TOR1AIP2: variants seen among roughly 807,000 people sequenced by gnomAD.
TOR1AIP2 encodes the protein torsin 1A interacting protein 2, also known as torsin-1A-interacting protein 2.
In TOR1AIP2, 20 loss-of-function variants were observed where a neutral mutation model predicts 32.6. The ratio of observed to expected loss-of-function variants is 0.61; its 90% confidence interval spans 0.43 to 0.89. The LOEUF is 0.89. Among genes scored for constraint, TOR1AIP2 ranks in the 40% least tolerant of loss-of-function variants. The pLI, the probability that TOR1AIP2 is intolerant of heterozygous loss-of-function variation, is 0.00. For synonymous variants in TOR1AIP2, 214 were observed against 210.8 expected (o/e 1.02, Z -0.13); for missense variants, 456 against 553.8 (o/e 0.82, Z 1.77).
In TOR1AIP2 at chr1:179,877,339, G is replaced by C. The variant is rs571572315; in HGVS notation, c.-666C>G. The C allele has an allele frequency of 1.3e-5, 2 of 152,636 alleles. No homozygotes were observed. Among genetic ancestry groups the C allele is most frequent in the African/African-American group, 4.8e-5 (2 of 41,520 alleles). The allele number at this position is 152,636 out of a possible 1,614,324, so 9.5% of individuals were successfully genotyped here. ...GAGAATCGCTTGAAGCCAGGAGTTC[G>C]AGACCAACCTGGGCAATACAGTGAG... is the stretch of plus-strand genomic sequence containing the variant. On this transcript the variant is annotated 5_prime_UTR_variant, in exon 2 of 7. Transcript: ENST00000609928.
intron 3 of TOR1AIP2, chr1:179,861,498 TATTAAA>T (rs997316781): frequency 1.8e-5 from 18 of 982,492 alleles, no homozygotes; most frequent in Middle Eastern, 5.2e-4. Context: ...ACCCTCTTAA[TATTAAA>T]ATTAATATTT....
chr1:179,864,379 T>C lies in TOR1AIP2; in HGVS notation c.-147+1057A>G, dbSNP rs1375000893. The C allele has an allele frequency of 9.1e-6, 9 of 991,840 alleles. No homozygotes were observed. The East Asian group carries it at 7.8e-4, about 86-fold the overall frequency. 61.4% of individuals were successfully genotyped at this position (991,840 alleles called of 1,614,324 possible). A position where few individuals can be genotyped will look rare whatever the true frequency, so the allele number is the denominator to read the frequency against. On this transcript the variant is annotated intron_variant, in intron 3 of 6. Coordinates refer to ENST00000609928, the MANE Select transcript of TOR1AIP2 (RefSeq NM_001199260.2). The stretch of plus-strand genomic sequence containing the variant: ...ACTGGACTAATCTAGGATCCAGCTA[T>C]AACGAGGCTGCTTTCCCACAAAAGT...
chr1:179,847,533 A>G lies in TOR1AIP2; in HGVS notation c.655+2T>C. On this transcript the variant is annotated splice_donor_variant, in intron 6 of 6. Coordinates refer to ENST00000609928, the MANE Select transcript of TOR1AIP2 (RefSeq NM_001199260.2). LOFTEE classifies it high-confidence loss of function. ...CTGCAGTAAAACCAGGTTTGTTCTCACCATAGCTCCAAAAACCCTTTTTAT... is the reference window on the plus strand; with the variant it reads ...CTGCAGTAAAACCAGGTTTGTTCTCGCCATAGCTCCAAAAACCCTTTTTAT... 6.2e-7 allele frequency: 1 copy of G among 1,606,984 alleles called. No individual in the cohort carries two copies. Among genetic ancestry groups the G allele is most frequent in the Non-Finnish European group, 8.5e-7 (1 of 1,173,532 alleles).
chr1:179,864,588 A>C, intron 3 of TOR1AIP2: 1 of 1,325,064 alleles, frequency 7.5e-7, no homozygotes, highest in East Asian at 2.7e-5. Flanking sequence ...GTCTAGATGA[A>C]CAGGCTGGCT....
At chr1:179,853,278 G>A (rs1696181708) in intron 3 of TOR1AIP2, among the ~76,000 whole-genome samples, 1 of 152,198 alleles carries the variant, frequency 6.6e-6, no homozygotes, top group South Asian at 2.1e-4. Context: ...AAACTGAGAT[G>A]GCTGCTTTGA....
chr1:179,851,238 G>A lies in TOR1AIP2; in HGVS notation c.160C>T (p.Gln54Ter), dbSNP rs1374743618. The A allele has an allele frequency of 6.2e-7, 1 of 1,612,946 alleles. No homozygotes were observed. The highest frequency in any genetic ancestry group is 1.3e-5 in the African/African-American group (1 of 74,946). The change falls in exon 5 of 7, where the codon CAA (glutamine) becomes TAA (stop). Residue 54 changes from glutamine (Q) to a stop codon, truncating the protein, a stop_gained. Coordinates refer to ENST00000609928, the MANE Select transcript of TOR1AIP2 (RefSeq NM_001199260.2). LOFTEE classifies it high-confidence loss of function. ...HSACGLSKDH[Q>*]EVETEGPESA... Reference sequence around the variant, plus strand: ...TCTGGACCTTCTGTCTCTACCTCTTGGTGGTCTTTGCTAAGACCACAGGCA... The same window carrying A: ...TCTGGACCTTCTGTCTCTACCTCTTAGTGGTCTTTGCTAAGACCACAGGCA...
In TOR1AIP2 at chr1:179,870,135, G is replaced by A. The variant is rs1227837914; in HGVS notation, c.-565-4281C>T. 4.6e-5 allele frequency among the ~76,000 whole-genome samples: 7 copies of A among 152,178 alleles called. No homozygotes were observed. In the East Asian group the frequency reaches 7.7e-4, roughly 17 times the overall value. On this transcript the variant is annotated intron_variant, in intron 2 of 6. Transcript: ENST00000609928. ...TTTACGGCTGGGCACGGTGGTTTACGCCTGTAATCCCAGCACTTTGGGAGG... is the reference window on the plus strand; with the variant it reads ...TTTACGGCTGGGCACGGTGGTTTACACCTGTAATCCCAGCACTTTGGGAGG...
At chr1:179,866,260 CAA>C (rs77686131) in intron 2 of TOR1AIP2, among the ~76,000 whole-genome samples, 13 of 118,992 alleles carry the variant, frequency 1.1e-4, no homozygotes, top group Admixed American at 2.6e-4. Context: ...TCAATCCATC[CAA>C]AAAAAAAAAA....
At position 179,842,403 on chromosome 1, in the gene TOR1AIP2, T is replaced by C. The variant is rs1695749778; in HGVS notation, c.*3668A>G. ...AATAGAAATATGAAACAAATTAGCA[T>C]TACTATTTTAGTGATATGAACACCT... is the stretch of plus-strand genomic sequence containing the variant. On this transcript the variant is annotated 3_prime_UTR_variant, in exon 7 of 7. Transcript: ENST00000609928. The C allele has an allele frequency of 6.6e-6, 1 of 152,192 alleles. No individual in the cohort carries two copies. Among genetic ancestry groups the C allele is most frequent in the African/African-American group, 2.4e-5 (1 of 41,446 alleles). The allele number at this position is 152,192 out of a possible 1,614,324, so 9.4% of individuals were successfully genotyped here.
intron 5 of TOR1AIP2, among the ~76,000 whole-genome samples, chr1:179,849,383 G>A (rs911637029): frequency 2.7e-5 from 4 of 149,452 alleles, no homozygotes; most frequent in African/African-American, 9.9e-5. Context: ...AGGACTATAG[G>A]TGCATGCAGC....
chr1:179,876,474 A>G (rs557986715), intron 2 of TOR1AIP2, among the ~76,000 whole-genome samples: 2 of 152,380 alleles, frequency 1.3e-5, no homozygotes, highest in East Asian at 3.9e-4. Flanking sequence ...CACGTTCAGC[A>G]TAATAAACAT....
chr1:179,865,266 G>A, intron 3 of TOR1AIP2, 170 bp downstream of exon 3: 1 of 1,455,860 alleles, frequency 6.9e-7, no homozygotes, highest in South Asian at 1.5e-5. Context: ...CCTATTACAG[G>A]TTTCGTTTAC....
intron 3 of TOR1AIP2, chr1:179,862,650 C>A (rs1257191032): frequency 9.1e-6 from 9 of 985,318 alleles, no homozygotes; most frequent in African/African-American, 1.7e-5. Flanking sequence ...GAGCCCTGGT[C>A]AGGCACGGTG....
intron 3 of TOR1AIP2, chr1:179,862,258 A>T (rs561427746): frequency 9.0e-5 from 88 of 978,864 alleles, no homozygotes; most frequent in Middle Eastern, 5.3e-4. Context: ...AATGTTTCTT[A>T]GTATATGTCC....
chr1:179,840,573 T>C lies in TOR1AIP2; in HGVS notation c.*5498A>G, dbSNP rs1227810360. On this transcript the variant is annotated 3_prime_UTR_variant, in exon 7 of 7. Coordinates refer to ENST00000609928, the MANE Select transcript of TOR1AIP2 (RefSeq NM_001199260.2). ...CTGAAGACTAAGGTATTTACCTTTT[T>C]GCAGATTAGGGGATACTGATTATGT... The C allele has an allele frequency of 6.6e-6, 1 of 152,248 alleles. No homozygotes were observed. Among genetic ancestry groups the C allele is most frequent in the Non-Finnish European group, 1.5e-5 (1 of 68,062 alleles). 9.4% of individuals were successfully genotyped at this position (152,248 alleles called of 1,614,324 possible).
At chr1:179,851,796 A>G (rs1450922886) in intron 4 of TOR1AIP2, among the ~76,000 whole-genome samples, 1 of 152,196 alleles carries the variant, frequency 6.6e-6, no homozygotes, top group East Asian at 1.9e-4. Context: ...TTCTAATACA[A>G]TGCAGTAAGA....
In TOR1AIP2 at chr1:179,852,798, C is replaced by T. The variant is rs1408355954; in HGVS notation, c.-133G>A. 7.9e-6 allele frequency: 12 copies of T among 1,519,102 alleles called. No individual in the cohort carries two copies. The highest frequency in any genetic ancestry group is 1.7e-4 in the Middle Eastern group (1 of 5,788). The allele number at this position is 1,519,102 out of a possible 1,614,324, so 94.1% of individuals were successfully genotyped here. A position where few individuals can be genotyped will look rare whatever the true frequency, so the allele number is the denominator to read the frequency against. The stretch of plus-strand genomic sequence containing the variant: ...CTTCCCATGGACCCAGGAAATAAGG[C>T]ATATATACAGTGACTAAAACAAAAT... On this transcript the variant is annotated 5_prime_UTR_variant, in exon 4 of 7. The change abolishes an upstream ATG in the 5' untranslated region. Transcript: ENST00000609928.
chr1:179,857,742 A>G (rs1487267300), intron 3 of TOR1AIP2, among the ~76,000 whole-genome samples: 1 of 152,234 alleles, frequency 6.6e-6, no homozygotes, highest in East Asian at 1.9e-4. Context: ...TGGGCCAGGT[A>G]TGATGGCTCA....
At chr1:179,853,205 A>G (rs888936366) in intron 3 of TOR1AIP2, among the ~76,000 whole-genome samples, 1 of 152,250 alleles carries the variant, frequency 6.6e-6, no homozygotes, top group African/African-American at 2.4e-5. Context: ...TAATTTTCTC[A>G]TAGTCTGCCT....
Sources: allele counts gnomAD v4.1 joint callset (sites outside exome capture counted in the v4.1 genomes callset), GRCh38; gene constraint gnomAD v4.1.1; transcripts MANE v1.5; gene names NCBI Gene and HGNC (gene_info 2026-07-23, HGNC 2026-07-21).